The following FRMD6 variants were observed in gnomAD, a reference collection of about 807,000 sequenced individuals.
The protein encoded by FRMD6 is FERM domain-containing protein 6.
Under a neutral mutation model 73.2 loss-of-function variants are expected in FRMD6, and 37 were observed. The observed-to-expected ratio is 0.51, with a 90% CI of 0.39 to 0.66. The LOEUF is 0.66. Among genes scored for constraint, FRMD6 ranks in the 30% least tolerant of loss-of-function variants. The probability of loss-of-function intolerance (pLI) is 0.00; values close to 1 mark genes in which losing one functional copy is unlikely to be tolerated. For synonymous variants in FRMD6, 273 were observed against 282.2 expected (o/e 0.97, Z 0.33); for missense variants, 714 against 780.5 (o/e 0.91, Z 1.02).
chr14:51,707,798 C>G (rs745445703), intron 6 of FRMD6, among the ~76,000 whole-genome samples: 7 of 152,092 alleles, frequency 4.6e-5, no homozygotes, highest in Non-Finnish European at 8.8e-5. Context: ...GTGTTTTTCT[C>G]TTGGTGACTT....
chr14:51,697,119 A>T (rs566855091), intron 2 of FRMD6, among the ~76,000 whole-genome samples: 2 of 152,276 alleles, frequency 1.3e-5, no homozygotes, highest in East Asian at 3.9e-4. Context: ...TCCTCAAAAT[A>T]TTAAACATAG....
the FRMD6 span, chr14:51,454,432 G>A: frequency 2.6e-5 from 4 of 152,158 alleles, no homozygotes; most frequent in Non-Finnish European, 5.9e-5. Flanking sequence ...GGATGAAGAG[G>A]ACTGAGCTCT....
At chr14:51,590,023 G>A (rs540665824) in intron 2 of FRMD6, among the ~76,000 whole-genome samples, 5 of 146,098 alleles carry the variant, frequency 3.4e-5, no homozygotes, top group South Asian at 2.1e-4. Flanking sequence ...AGCCAAGATC[G>A]TGCTACCGCA....
rs777384525 is a variant in FRMD6, at chr14:51,720,207, C to T, written c.1177C>T (p.His393Tyr). The change falls in exon 11 of 14, where the codon CAC (histidine) becomes TAC (tyrosine). Residue 393 changes from histidine (H) to tyrosine (Y), a missense_variant. Coordinates refer to ENST00000344768, the MANE Select transcript of FRMD6 (RefSeq NM_001267046.2). ...RHSTASHSSS[H>Y]TSGIEADTKP... ...TTCCACCGCCAGCCACAGCAGTTCC[C>T]ACACCTCGGGCATTGAGGCAGACAC... 2 of 1,614,116 alleles carry T rather than the reference C, an allele frequency of 1.2e-6. No individual in the cohort carries two copies. Among genetic ancestry groups the T allele is most frequent in the Non-Finnish European group, 8.5e-7 (1 of 1,180,034 alleles).
chr14:51,447,538 T>G, the FRMD6 span, among the ~76,000 whole-genome samples: 1 of 152,192 alleles, frequency 6.6e-6, no homozygotes, highest in African/African-American at 2.4e-5. Flanking sequence ...CTGCACCATC[T>G]GGAGCACCTC....
chr14:51,633,562 C>T (rs1472291330), intron 2 of FRMD6, among the ~76,000 whole-genome samples: 2 of 126,722 alleles, frequency 1.6e-5, no homozygotes, highest in African/African-American at 6.3e-5. Flanking sequence ...GATCATGCCA[C>T]TGCACTCCAG....
chr14:51,397,585 G>A, the FRMD6 span, among the ~76,000 whole-genome samples: 2 of 152,326 alleles, frequency 1.3e-5, no homozygotes, highest in East Asian at 3.9e-4. Flanking sequence ...AGGGGCATAA[G>A]TGTGTTGTAC....
the FRMD6 span, among the ~76,000 whole-genome samples, chr14:51,466,454 A>G: frequency 1.3e-5 from 2 of 152,196 alleles, no homozygotes; most frequent in African/African-American, 4.8e-5. Context: ...GAAAATTGAT[A>G]TTCATTTTTT....
intron 2 of FRMD6, among the ~76,000 whole-genome samples, chr14:51,599,018 A>T (rs1889872660): frequency 7.1e-6 from 1 of 140,386 alleles, no homozygotes; most frequent in African/African-American, 2.7e-5. Context: ...CCAGCAGTGT[A>T]TAAGCATTCA....
At chr14:51,503,557 G>A (rs991064828) in intron 1 of FRMD6, among the ~76,000 whole-genome samples, 29 of 152,130 alleles carry the variant, frequency 1.9e-4, no homozygotes, top group Non-Finnish European at 2.8e-4. Context: ...CTTGCATCCC[G>A]GGGATGAAGC....
chr14:51,713,386 A>G (rs1566589328), intron 9 of FRMD6, among the ~76,000 whole-genome samples: 1 of 150,634 alleles, frequency 6.6e-6, no homozygotes, highest in Non-Finnish European at 1.5e-5. Flanking sequence ...TGAACCCGAG[A>G]GGCGATGGTT....
upstream of FRMD6, among the ~76,000 whole-genome samples, chr14:51,488,192 GC>G (rs1290365378): frequency 6.6e-6 from 1 of 152,188 alleles, no homozygotes. Flanking sequence ...ATTGGCAGGA[GC>G]CCGTCTCTGA....
intron 1 of FRMD6, among the ~76,000 whole-genome samples, chr14:51,503,231 A>G (rs1883721622): frequency 6.6e-6 from 1 of 152,142 alleles, no homozygotes; most frequent in Non-Finnish European, 1.5e-5. Flanking sequence ...TTCCAATACT[A>G]TGTTGAATAG....
chr14:51,725,155 T>C (rs1328090110), intron 12 of FRMD6, among the ~76,000 whole-genome samples: 1 of 152,158 alleles, frequency 6.6e-6, no homozygotes, highest in Non-Finnish European at 1.5e-5. Context: ...CCTCACCCTT[T>C]TATGCATTCA....
chr14:51,410,260 T>C, the FRMD6 span, among the ~76,000 whole-genome samples: 122,215 of 152,150 alleles, frequency 0.8, 49,464 homozygotes, highest in East Asian at 0.91. Flanking sequence ...GTGAGTACTG[T>C]CTCCTGTTTT....
Position 51,695,142 on chromosome 14 carries a change from A to G in FRMD6, c.100-3000A>G, listed in dbSNP as rs1042044559. ...GTTTGGAATTTTAACTTCTTATGGCATTTTATCTTGGCTGCCTTGTACCCA... is the reference window on the plus strand; with the variant it reads ...GTTTGGAATTTTAACTTCTTATGGCGTTTTATCTTGGCTGCCTTGTACCCA... On this transcript the variant is annotated intron_variant, in intron 2 of 13. Transcript: ENST00000344768. 3.3e-5 allele frequency among the ~76,000 whole-genome samples: 5 copies of G among 152,134 alleles called. 1 individual carries two copies. The highest frequency in any genetic ancestry group is 9.7e-5 in the African/African-American group (4 of 41,422).
chr14:51,422,535 A>G, the FRMD6 span, among the ~76,000 whole-genome samples: 1 of 152,248 alleles, frequency 6.6e-6, no homozygotes, highest in Non-Finnish European at 1.5e-5. Flanking sequence ...GGGTAAAGTA[A>G]AAGAGGACAA....
chr14:51,534,578 A>G (rs1344317901), intron 1 of FRMD6, among the ~76,000 whole-genome samples: 1 of 152,180 alleles, frequency 6.6e-6, no homozygotes, highest in African/African-American at 2.4e-5. Context: ...CAGCTGTCAC[A>G]CTATTTAGCT....
chr14:51,685,381 A>G (rs574977295), intron 1 of FRMD6, among the ~76,000 whole-genome samples: 120 of 152,162 alleles, frequency 7.9e-4, no homozygotes, highest in African/African-American at 2.7e-3. Context: ...CTCTGGGCCT[A>G]TTTTTCTTCA....
Sources: allele counts gnomAD v4.1 joint callset (sites outside exome capture counted in the v4.1 genomes callset), GRCh38; gene constraint gnomAD v4.1.1; transcripts MANE v1.5; gene names NCBI Gene and HGNC (gene_info 2026-07-23, HGNC 2026-07-21).